Variants in FOXP2 observed in about 807,000 individuals in gnomAD.
FOXP2 encodes forkhead box protein P2.
FOXP2 carries 12 observed loss-of-function variants against 115.8 expected under a neutral mutation model. The ratio of observed to expected loss-of-function variants is 0.10; its 90% CI spans 0.07 to 0.17. FOXP2 has a LOEUF of 0.17. Among genes scored for constraint, FOXP2 ranks in the 10% least tolerant of loss-of-function variants. FOXP2 has a pLI of 1.00. For missense variants in FOXP2, 629 were observed against 843.5 expected (o/e 0.75, Z 3.15); for synonymous variants, 328 against 297.7 (o/e 1.10, Z -1.05).
intron 1 of FOXP2, among the ~76,000 whole-genome samples, chr7:114,214,701 C>T (rs901982812): frequency 1.3e-5 from 2 of 152,146 alleles, no homozygotes; most frequent in African/African-American, 2.4e-5. Context: ...TGCCTTCCCC[C>T]CTTACTCCTG....
intron 1 of FOXP2, among the ~76,000 whole-genome samples, chr7:114,250,569 T>A (rs970343559): frequency 3.7e-4 from 56 of 152,376 alleles, no homozygotes; most frequent in Non-Finnish European, 6.8e-4. Flanking sequence ...TTTTTTCATG[T>A]GTCTGTTGCC....
intron 1 of FOXP2, among the ~76,000 whole-genome samples, chr7:114,105,270 T>G (rs1172758030): frequency 6.6e-6 from 1 of 152,204 alleles, no homozygotes; most frequent in Non-Finnish European, 1.5e-5. Flanking sequence ...GTGGTTAGTT[T>G]AAAATTACAC....
intron 16 of FOXP2, among the ~76,000 whole-genome samples, chr7:114,682,287 G>T (rs976323079): frequency 6.6e-6 from 1 of 151,986 alleles, no homozygotes; most frequent in Non-Finnish European, 1.5e-5. Context: ...TTATAAATGA[G>T]GTGCCTAAAC....
intron 1 of FOXP2, among the ~76,000 whole-genome samples, chr7:114,187,370 T>A (rs1793634915): frequency 6.6e-6 from 1 of 152,194 alleles, no homozygotes; most frequent in Non-Finnish European, 1.5e-5. Flanking sequence ...CTGCCCTCCA[T>A]AAAGTCCTAG....
intron 3 of FOXP2, among the ~76,000 whole-genome samples, chr7:114,602,695 C>T (rs1394113312): frequency 6.6e-6 from 1 of 152,108 alleles, no homozygotes; most frequent in Non-Finnish European, 1.5e-5. Context: ...AATAATATTT[C>T]AGTATATTTT....
At chr7:114,358,217 A>AG (rs1187811188) in intron 2 of FOXP2, among the ~76,000 whole-genome samples, 1 of 152,182 alleles carries the variant, frequency 6.6e-6, no homozygotes, top group Non-Finnish European at 1.5e-5. Context: ...CTGCCATGTA[A>AG]GACAGTGTCT....
At chr7:114,276,064 A>G (rs1796179004) in intron 1 of FOXP2, among the ~76,000 whole-genome samples, 2 of 152,156 alleles carry the variant, frequency 1.3e-5, no homozygotes, top group African/African-American at 4.8e-5. Flanking sequence ...TGATAATGTG[A>G]TACTATCCCA....
chr7:114,532,197 G>T (rs1251176471), intron 2 of FOXP2, among the ~76,000 whole-genome samples: 1 of 151,884 alleles, frequency 6.6e-6, no homozygotes, highest in Non-Finnish European at 1.5e-5. Context: ...AGTTCCATCA[G>T]GCATAAGGGA....
In FOXP2 at chr7:114,470,691, T is replaced by C. The variant is rs1184911635; in HGVS notation, c.168+44012T>C. Reference sequence around the variant, plus strand: ...ACACTTTTCTTCCTTTGCTTTCCTATGGCTTTAAATACTATACAGAATACT... The same window carrying C: ...ACACTTTTCTTCCTTTGCTTTCCTACGGCTTTAAATACTATACAGAATACT... On this transcript the variant is annotated intron_variant, in intron 2 of 16. Coordinates refer to ENST00000350908, the MANE Select transcript of FOXP2 (RefSeq NM_014491.4). Among the ~76,000 whole-genome samples the C allele has an allele frequency of 2.0e-5, 3 of 152,162 alleles. No individual in the cohort carries two copies. The East Asian group carries it at 5.8e-4, about 29-fold the overall frequency.
chr7:114,642,678 C>T, intron 7 of FOXP2, 55 bp downstream of exon 7: 1 of 1,509,192 alleles, frequency 6.6e-7, no homozygotes, highest in Non-Finnish European at 9.1e-7. Context: ...TTATTTTCAC[C>T]ATTGAGACAA....
At chr7:114,119,442 T>C (rs1791499305) in intron 1 of FOXP2, among the ~76,000 whole-genome samples, 1 of 152,164 alleles carries the variant, frequency 6.6e-6, no homozygotes, top group Non-Finnish European at 1.5e-5. Flanking sequence ...CTTATTGTAG[T>C]TACAATTCAT....
chr7:114,650,168 T>A (rs1485517156), intron 8 of FOXP2, among the ~76,000 whole-genome samples: 1 of 152,052 alleles, frequency 6.6e-6, no homozygotes, highest in Non-Finnish European at 1.5e-5. Context: ...AGCAAACATT[T>A]TGTACTTTTT....
chr7:114,691,955 A>T lies in FOXP2; in HGVS notation c.*2029A>T, dbSNP rs769993562. The T allele has an allele frequency of 3.8e-5, 16 of 419,298 alleles. No homozygotes were observed. Among genetic ancestry groups the T allele is most frequent in the South Asian group, 2.8e-4 (16 of 56,618 alleles). 26.0% of individuals were successfully genotyped at this position (419,298 alleles called of 1,614,324 possible). On this transcript the variant is annotated 3_prime_UTR_variant, in exon 17 of 17. Transcript: ENST00000350908. Reference sequence around the variant, plus strand: ...AAAAAAAAAAAAAGAAAAAAAAAAAAAGAAAAACATTAGAACAATTATGGC... The same window carrying T: ...AAAAAAAAAAAAAGAAAAAAAAAAATAGAAAAACATTAGAACAATTATGGC...
At chr7:114,252,268 G>C (rs918795226) in intron 1 of FOXP2, among the ~76,000 whole-genome samples, 4 of 151,942 alleles carry the variant, frequency 2.6e-5, no homozygotes, top group African/African-American at 7.2e-5. Context: ...TTCGTTGTGT[G>C]TCTGCCAGGC....
At chr7:114,409,069 T>C (rs538501389) in intron 2 of FOXP2, among the ~76,000 whole-genome samples, 12 of 152,176 alleles carry the variant, frequency 7.9e-5, no homozygotes, top group Non-Finnish European at 1.3e-4. Flanking sequence ...TTACCATCTA[T>C]TTAGAACTTC....
At chr7:114,407,614 C>G (rs1793065637) in intron 2 of FOXP2, among the ~76,000 whole-genome samples, 1 of 152,010 alleles carries the variant, frequency 6.6e-6, no homozygotes. Flanking sequence ...CATGTTAATA[C>G]TTTTCCTTCA....
intron 14 of FOXP2, 27 bp from the exon 15 acceptor site, chr7:114,663,423 A>T: frequency 6.8e-7 from 1 of 1,471,210 alleles, no homozygotes; most frequent in East Asian, 2.3e-5. Context: ...TGACGTATAA[A>T]TGATCTTTAT....
intron 1 of FOXP2, among the ~76,000 whole-genome samples, chr7:114,263,857 T>G (rs565981021): frequency 6.6e-6 from 1 of 152,050 alleles, no homozygotes; most frequent in South Asian, 2.1e-4. Context: ...TGCATTCCCA[T>G]GCTTCCTCAC....
At chr7:114,540,968 T>G (rs1799634111) in intron 3 of FOXP2, among the ~76,000 whole-genome samples, 3 of 151,970 alleles carry the variant, frequency 2.0e-5, no homozygotes, top group Non-Finnish European at 1.5e-5. Flanking sequence ...GCTATTAAAG[T>G]TTTTTGATGA....
Sources: gnomAD v4.1 joint callset for allele counts (sites outside exome capture counted in the v4.1 genomes callset) on GRCh38, gnomAD v4.1.1 for gene constraint, MANE v1.5 for transcripts, NCBI Gene and HGNC (gene_info 2026-07-23, HGNC 2026-07-21) for gene names.